EPB41L4A: variants seen among roughly 807,000 people sequenced by gnomAD.
EPB41L4A encodes band 4.1-like protein 4A.
Under a neutral mutation model 108.6 loss-of-function variants are expected in EPB41L4A, and 100 were observed. The ratio of observed to expected loss-of-function variants is 0.92; its 90% CI spans 0.78 to 1.09. The LOEUF is 1.09. Ranked by LOEUF, EPB41L4A falls within the 50% of genes least tolerant of loss-of-function variation. The probability of loss-of-function intolerance (pLI) is 0.00; values close to 1 mark genes in which losing one functional copy is unlikely to be tolerated. For missense variants in EPB41L4A, 1,030 were observed against 842.7 expected, an observed-to-expected ratio of 1.22 and a Z score of -2.75; for synonymous variants, 319 against 289.0, an observed-to-expected ratio of 1.10 and a Z score of -1.05.
chr5:112,217,633 G>A (rs925957686), intron 12 of EPB41L4A, among the ~76,000 whole-genome samples: 1 of 152,134 alleles, frequency 6.6e-6, no homozygotes, highest in Non-Finnish European at 1.5e-5. Flanking sequence ...GAGAGTTTGA[G>A]GTTACAATAA....
intron 3 of EPB41L4A, among the ~76,000 whole-genome samples, chr5:112,278,830 G>A (rs1364071554): frequency 6.6e-6 from 1 of 150,838 alleles, no homozygotes; most frequent in African/African-American, 2.4e-5. Context: ...TCAGGTGGGT[G>A]GATCACCTGA....
At chr5:112,349,166 G>C (rs1223431997) in intron 1 of EPB41L4A, among the ~76,000 whole-genome samples, 1 of 152,146 alleles carries the variant, frequency 6.6e-6, no homozygotes, top group Admixed American at 6.5e-5. Flanking sequence ...GTGCCAGACA[G>C]AAAACAGTTT....
In EPB41L4A at chr5:112,155,385, G is replaced by C. The variant is rs115216211; in HGVS notation, n.994+3016C>G. Among the ~76,000 whole-genome samples, 289 of 151,824 alleles carry C rather than the reference G, an allele frequency of 1.9e-3. 2 individuals are homozygous for C. The highest frequency in any genetic ancestry group is 6.7e-3 in the African/African-American group (277 of 41,422). On this transcript the variant is annotated intron_variant and non_coding_transcript_variant, in intron 12 of 13. Transcript: ENST00000507810. ...TAGCAACAACCAAAAAAAAAAAAGT[G>C]TATCAAATGCTTTGAGATACATCAC...
At chr5:112,181,669 G>C (rs1038356001) in intron 18 of EPB41L4A, among the ~76,000 whole-genome samples, 1 of 152,162 alleles carries the variant, frequency 6.6e-6, no homozygotes, top group Non-Finnish European at 1.5e-5. Flanking sequence ...CTGATACCAT[G>C]GATGAAGCTC....
chr5:112,152,595 A>C (rs527804759), intron 12 of EPB41L4A, among the ~76,000 whole-genome samples: 1 of 152,320 alleles, frequency 6.6e-6, no homozygotes, highest in African/African-American at 2.4e-5. Flanking sequence ...GTGGCACCTT[A>C]ATCTCAGATT....
chr5:112,372,268 GA>G (rs1231785982), intron 1 of EPB41L4A, among the ~76,000 whole-genome samples: 1 of 152,156 alleles, frequency 6.6e-6, no homozygotes, highest in Non-Finnish European at 1.5e-5. Context: ...GCCAGCAGGG[GA>G]AATGCCAGAT....
rs993642121 is a variant in EPB41L4A, at chr5:112,183,998, TAA to T, written c.1622+16_1622+17del. 5.6e-6 allele frequency: 9 copies of T among 1,613,680 alleles called. No homozygotes were observed. The highest frequency in any genetic ancestry group is 7.6e-6 in the Non-Finnish European group (9 of 1,179,788). ...AATTCAGTGTTTTTGAATCAAGGTATAAAAAGAGTCCACATACGAACGAGATC... is the reference window on the plus strand; with the variant it reads ...AATTCAGTGTTTTTGAATCAAGGTATAAAGAGTCCACATACGAACGAGATC... On this transcript the variant is annotated intron_variant, in intron 18 of 22. Coordinates refer to ENST00000261486, the MANE Select transcript of EPB41L4A (RefSeq NM_022140.5).
At chr5:112,155,082 T>C (rs1759602872) in intron 12 of EPB41L4A, among the ~76,000 whole-genome samples, 1 of 151,992 alleles carries the variant, frequency 6.6e-6, no homozygotes, top group South Asian at 2.1e-4. Flanking sequence ...ACAAAGAAAA[T>C]ACTAGACTTA....
chr5:112,409,958 T>C (rs1245853663), intron 1 of EPB41L4A, among the ~76,000 whole-genome samples: 1 of 152,198 alleles, frequency 6.6e-6, no homozygotes, highest in Non-Finnish European at 1.5e-5. Flanking sequence ...CCTCACTGTA[T>C]TCCTCCCAGG....
intron 1 of EPB41L4A, among the ~76,000 whole-genome samples, chr5:112,391,909 G>C (rs993068893): frequency 3.3e-5 from 5 of 152,110 alleles, no homozygotes; most frequent in African/African-American, 1.2e-4. Flanking sequence ...GAAGAGAGTG[G>C]GGGCCAGTAT....
intron 16 of EPB41L4A, among the ~76,000 whole-genome samples, 174 bp from the exon 17 acceptor site, chr5:112,194,819 TCTGA>T (rs1761882002): frequency 1.3e-5 from 2 of 152,084 alleles, no homozygotes; most frequent in Admixed American, 6.5e-5. Flanking sequence ...CAGTAAGACA[TCTGA>T]CTGAGTCTAT....
intron 3 of EPB41L4A, among the ~76,000 whole-genome samples, chr5:112,279,441 A>G (rs1752824329): frequency 6.6e-6 from 1 of 152,220 alleles, no homozygotes; most frequent in Admixed American, 6.5e-5. Context: ...CACACAGTTC[A>G]GCAAAATGCT....
chr5:112,236,490 T>G (rs1271167863), intron 11 of EPB41L4A, among the ~76,000 whole-genome samples: 1 of 152,254 alleles, frequency 6.6e-6, no homozygotes, highest in Non-Finnish European at 1.5e-5. Flanking sequence ...TACTTGTTCT[T>G]ACAATTTCCT....
chr5:112,240,361 G>T (rs1251020654), intron 10 of EPB41L4A, among the ~76,000 whole-genome samples: 7 of 152,156 alleles, frequency 4.6e-5, no homozygotes, highest in African/African-American at 1.7e-4. Flanking sequence ...TTTCTACCTA[G>T]ATGGCTGATA....
chr5:112,405,863 C>A (rs1031754897), intron 1 of EPB41L4A, among the ~76,000 whole-genome samples: 10 of 152,044 alleles, frequency 6.6e-5, no homozygotes, highest in South Asian at 2.1e-4. Context: ...CCCCACCTAA[C>A]AGTTAAACTT....
intron 1 of EPB41L4A, among the ~76,000 whole-genome samples, chr5:112,350,938 A>T (rs1440400739): frequency 6.6e-6 from 1 of 152,240 alleles, no homozygotes; most frequent in East Asian, 1.9e-4. Context: ...CAATAAACAG[A>T]GAGATACACA....
intron 7 of EPB41L4A, among the ~76,000 whole-genome samples, chr5:112,261,517 T>C (rs1020748036): frequency 1.3e-5 from 2 of 152,220 alleles, no homozygotes; most frequent in Non-Finnish European, 2.9e-5. Flanking sequence ...TTCCTCTTAA[T>C]TCAAAGGCAA....
intron 1 of EPB41L4A, among the ~76,000 whole-genome samples, chr5:112,352,713 T>C (rs1758122873): frequency 6.6e-6 from 1 of 152,230 alleles, no homozygotes; most frequent in South Asian, 2.1e-4. Context: ...TCTGTAGTGG[T>C]AGCAGCTGTA....
At chr5:112,207,339 C>A (rs963675916) in intron 13 of EPB41L4A, among the ~76,000 whole-genome samples, 3 of 152,044 alleles carry the variant, frequency 2.0e-5, no homozygotes, top group Non-Finnish European at 2.9e-5. Context: ...TAGAAGAAAA[C>A]CTAGGAAATA....
Sources: gnomAD v4.1 joint callset for allele counts (sites outside exome capture counted in the v4.1 genomes callset) on GRCh38, gnomAD v4.1.1 for gene constraint, MANE v1.5 for transcripts, NCBI Gene and HGNC (gene_info 2026-07-23, HGNC 2026-07-21) for gene names.